SLC39A6: variants seen among roughly 807,000 people sequenced by gnomAD.
SLC39A6 encodes the protein zinc transporter ZIP6.
Under a neutral mutation model 63.5 loss-of-function variants are expected in SLC39A6, and 51 were observed. The ratio of observed to expected loss-of-function variants is 0.80; its 90% CI spans 0.64 to 1.01. The LOEUF (loss-of-function observed/expected upper bound fraction) is 1.01. Among genes scored for constraint, SLC39A6 ranks in the 50% least tolerant of loss-of-function variants. SLC39A6 has a pLI of 0.00. For synonymous variants in SLC39A6, 318 were observed against 324.7 expected (o/e 0.98, Z 0.22); for missense variants, 805 against 927.8 (o/e 0.87, Z 1.72).
At chr18:36,121,789 T>C (rs946462680) in intron 5 of SLC39A6, among the ~76,000 whole-genome samples, 1 of 152,196 alleles carries the variant, frequency 6.6e-6, no homozygotes, top group African/African-American at 2.4e-5. Context: ...CCTTGTCTGG[T>C]CACTTATACA....
chr18:36,123,658 A>G lies in SLC39A6; in HGVS notation c.977T>C (p.Val326Ala), dbSNP rs1234517460. The G allele has an allele frequency of 6.3e-7, 1 of 1,599,462 alleles. No homozygotes were observed. Among genetic ancestry groups the G allele is most frequent in the Non-Finnish European group, 8.5e-7 (1 of 1,176,368 alleles). The change falls in exon 4 of 10, where the codon GTT (valine) becomes GCT (alanine). Residue 326 changes from valine to alanine, a missense_variant. Transcript: ENST00000269187. ...GATGGAAATGGCTATAAAACCACCA[A>G]CCCAGGCTGTCAAACAAAACAAAAC... ...PKTYSLQIAW[V>A]GGFIAISIIS...
intron 5 of SLC39A6, among the ~76,000 whole-genome samples, chr18:36,118,354 A>G (rs576672701): frequency 4.7e-4 from 71 of 152,336 alleles, no homozygotes; most frequent in Admixed American, 1.4e-3. Flanking sequence ...ATGATTATAT[A>G]CTTCTTTGAC....
chr18:36,123,416 A>C, intron 4 of SLC39A6, 79 bp downstream of exon 4: 2 of 1,316,114 alleles, frequency 1.5e-6, no homozygotes, highest in Non-Finnish European at 2.1e-6. Flanking sequence ...TTTTATACAA[A>C]AAATTCTAGC....
chr18:36,114,264 T>C lies in SLC39A6; in HGVS notation c.1676A>G (p.His559Arg). The C allele has an allele frequency of 6.2e-7, 1 of 1,614,156 alleles. No homozygotes were observed. The highest frequency in any genetic ancestry group is 8.5e-7 in the Non-Finnish European group (1 of 1,180,028). ...ATGATGGAGAATATGATGGTAGTCA[T>C]GATGGTGGTGAATGAGATCGTCTGA... ...GQSDDLIHHH[H>R]DYHHILHHHH... Residue 559 changes from histidine (H) to arginine (R), a missense_variant, in exon 7 of 10, where the codon CAT becomes CGT. Around this residue, in one of 4 missense-constraint regions of SLC39A6, gnomAD observed 19 missense variants for 35.1 expected, o/e 0.54. Transcript: ENST00000269187.
intron 5 of SLC39A6, among the ~76,000 whole-genome samples, chr18:36,119,981 T>TTGGTGGTG (rs1390216612): frequency 2.6e-5 from 4 of 152,182 alleles, no homozygotes; most frequent in African/African-American, 4.8e-5. Flanking sequence ...AAATAAATTA[T>TTGGTGGTG]GACATTTTGA....
In SLC39A6 at chr18:36,126,627, ATCATGGTCAGAGTGATGC is replaced by A. The variant is rs764792786; in HGVS notation, c.363_380del (p.Glu121_His126del). 6.2e-7 allele frequency: 1 copy of A among 1,613,806 alleles called. No homozygotes were observed. Among genetic ancestry groups the A allele is most frequent in the African/African-American group, 1.3e-5 (1 of 74,916 alleles). On this transcript the variant is annotated inframe_deletion, in exon 2 of 10. Coordinates refer to ENST00000269187, the MANE Select transcript of SLC39A6 (RefSeq NM_012319.4). ...CAGCATGATTATGGTGAGAGTGATGATCATGGTCAGAGTGATGCTCGTGCTCTGAGTGATGCTCATGGT... is the reference window on the plus strand; with the variant it reads ...CAGCATGATTATGGTGAGAGTGATGATCGTGCTCTGAGTGATGCTCATGGT...
intron 6 of SLC39A6, 122 bp downstream of exon 6, chr18:36,116,552 T>G: frequency 1.5e-6 from 1 of 667,626 alleles, no homozygotes; most frequent in Non-Finnish European, 2.7e-6. Context: ...TTACAAAGTA[T>G]GAGATACTGC....
At position 36,124,127 on chromosome 18, in the gene SLC39A6, A is replaced by C. The variant is rs147899925; in HGVS notation, c.970+393T>G. ...AGTGATTCCTTCCTCATTACTTTTGAGCAATGAGACCCTACGCTATAGCAG... is the reference window on the plus strand; with the variant it reads ...AGTGATTCCTTCCTCATTACTTTTGCGCAATGAGACCCTACGCTATAGCAG... On this transcript the variant is annotated intron_variant, in intron 3 of 9. Transcript: ENST00000269187. Among the ~76,000 whole-genome samples, 357 of 152,280 alleles carry C rather than the reference A, an allele frequency of 2.3e-3. 2 individuals carry two copies. Among genetic ancestry groups the C allele is most frequent in the African/African-American group, 8.3e-3 (345 of 41,572 alleles).
Position 36,126,376 on chromosome 18 carries a change from C to G in SLC39A6, c.632G>C (p.Gly211Ala), listed in dbSNP as rs1299782242. 1 of 1,614,100 alleles carries G rather than the reference C, an allele frequency of 6.2e-7. No homozygotes were observed. The highest frequency in any genetic ancestry group is 1.3e-5 in the African/African-American group (1 of 74,936). ...GCTTACATCTTTGGGGAAGAGTTTT[C>G]CAGGTCTTGGAGTCTCTATTGTCTC... is the stretch of plus-strand genomic sequence containing the variant. ...FLETIETPRP[G>A]KLFPKDVSSS... is the part of the protein sequence containing the mutation. Residue 211 changes from glycine (G) to alanine (A), a missense_variant, in exon 2 of 10, where the codon GGA becomes GCA. Physicochemically the swap from Gly to Ala is moderately conservative, Grantham distance 60. This residue lies in a region of SLC39A6 where 639 missense variants were observed against 644.0 expected (regional missense o/e 0.99). Transcript: ENST00000269187.
rs1184987984 is a variant in SLC39A6 at position 36,114,431 on chromosome 18, G to A, written c.1509C>T (p.His503=). The A allele has an allele frequency of 3.7e-6, 6 of 1,614,036 alleles. No homozygotes were observed. The Admixed American group carries it at 1.0e-4, about 27-fold the overall frequency. ...AGACTGCAGGCTGCTGAGAATCAAA[G>A]TGGGAGGGCTCTTGTGAGTCTGCTC... is the stretch of plus-strand genomic sequence containing the variant. ...YLRADSQEPS[H]FDSQQPAVLE... is the part of the protein sequence containing the mutation. Residue 503 remains histidine (H), a synonymous_variant, in exon 7 of 10, where the codon CAC becomes CAT. Coordinates refer to ENST00000269187, the MANE Select transcript of SLC39A6 (RefSeq NM_012319.4).
Position 36,126,679 on chromosome 18 carries a change from C to CGCTCATGGTCTGAGTGAT in SLC39A6, c.311_328dup (p.His104_Glu109dup). 1.2e-6 allele frequency: 2 copies of CGCTCATGGTCTGAGTGAT among 1,600,308 alleles called. No homozygotes were observed. Among genetic ancestry groups the CGCTCATGGTCTGAGTGAT allele is most frequent in the African/African-American group, 2.7e-5 (2 of 74,340 alleles). On this transcript the variant is annotated inframe_insertion, in exon 2 of 10. Transcript: ENST00000269187. ...TGAGTGATGCTCATGGTCTGAGTGA[C>CGCTCATGGTCTGAGTGAT]GCTCATGGTCTGAGTGATGCTCGTG...
rs1248685092 is a variant in SLC39A6 at position 36,112,383 on chromosome 18, C to A, written c.1924+118G>T. On this transcript the variant is annotated intron_variant, in intron 8 of 9. Transcript: ENST00000269187. The stretch of plus-strand genomic sequence containing the variant: ...CTGATGTCATCAGTATGCTGGTTAG[C>A]AGACTTATGAGAAGGCATGAAATTG... 3 of 728,786 alleles carry A rather than the reference C, an allele frequency of 4.1e-6. No homozygotes were observed. In the East Asian group the frequency reaches 7.5e-5, roughly 18 times the overall value. The allele number at this position is 728,786 out of a possible 1,614,324, so 45.1% of individuals were successfully genotyped here. A position where few individuals can be genotyped will look rare whatever the true frequency, so the allele number is the denominator to read the frequency against.
In SLC39A6 at chr18:36,123,668, T is replaced by C; in HGVS notation, c.971-4A>G. 1 of 1,595,362 alleles carries C rather than the reference T, an allele frequency of 6.3e-7. No individual in the cohort carries two copies. Among genetic ancestry groups the C allele is most frequent in the Non-Finnish European group, 8.5e-7 (1 of 1,175,098 alleles). On this transcript the variant is annotated splice_polypyrimidine_tract_variant and splice_region_variant and intron_variant, in intron 3 of 9. Coordinates refer to ENST00000269187, the MANE Select transcript of SLC39A6 (RefSeq NM_012319.4). Reference sequence around the variant, plus strand: ...GCTATAAAACCACCAACCCAGGCTGTCAAACAAAACAAAACAGAGCAAAGA... The same window carrying C: ...GCTATAAAACCACCAACCCAGGCTGCCAAACAAAACAAAACAGAGCAAAGA...
rs771023548 is a variant in SLC39A6, at chr18:36,122,157, A to G, written c.1254T>C (p.Phe418=). The G allele has an allele frequency of 3.1e-6, 5 of 1,614,118 alleles. No individual in the cohort carries two copies. The highest frequency in any genetic ancestry group is 4.2e-6 in the Non-Finnish European group (5 of 1,179,954). The part of the protein sequence containing the change: ...SSQNIEESAY[F]DSTWKGLTAL... ...CTGTTAGACCCTTCCACGTGGAATC[A>G]AAATAGGCACTTTCTTCTATGTTTT... The change falls in exon 5 of 10, where the codon TTT becomes TTC. Residue 418 remains phenylalanine (F), a synonymous_variant. Coordinates refer to ENST00000269187, the MANE Select transcript of SLC39A6 (RefSeq NM_012319.4).
chr18:36,113,187 C>T (rs757445677), intron 7 of SLC39A6, among the ~76,000 whole-genome samples: 2 of 151,916 alleles, frequency 1.3e-5, no homozygotes, highest in East Asian at 1.9e-4. Flanking sequence ...CTCAAACTCC[C>T]GGGCTCAAGC....
chr18:36,113,563 T>C (rs1284294904), intron 7 of SLC39A6, among the ~76,000 whole-genome samples: 1 of 152,190 alleles, frequency 6.6e-6, no homozygotes, highest in Non-Finnish European at 1.5e-5. Flanking sequence ...GCTGCCTAAT[T>C]GCATGGTTCC....
intron 5 of SLC39A6, among the ~76,000 whole-genome samples, chr18:36,120,948 T>A (rs1473177917): frequency 6.6e-6 from 1 of 152,108 alleles, no homozygotes; most frequent in Non-Finnish European, 1.5e-5. Flanking sequence ...TAGCTTTAAG[T>A]GTGTAATCTC....
chr18:36,111,535 G>C (rs1413622008), intron 8 of SLC39A6, among the ~76,000 whole-genome samples: 2 of 144,846 alleles, frequency 1.4e-5, no homozygotes, highest in Non-Finnish European at 3.0e-5. Flanking sequence ...CCAGGCTGGA[G>C]TGCAGTGGCA....
chr18:36,124,745 T>C, intron 2 of SLC39A6, 45 bp from the exon 3 acceptor site: 4 of 1,384,668 alleles, frequency 2.9e-6, no homozygotes, highest in Non-Finnish European at 3.9e-6. Flanking sequence ...CCATCCCCAT[T>C]AGAGTAGTCT....
Sources: gnomAD v4.1 joint callset for allele counts (sites outside exome capture counted in the v4.1 genomes callset) on GRCh38, gnomAD v4.1.1 for gene constraint, gnomAD v4.1.1 regional missense constraint, MANE v1.5 for transcripts, NCBI Gene and HGNC (gene_info 2026-07-23, HGNC 2026-07-21) for gene names.